Variants in NAALADL2 observed in about 807,000 individuals in gnomAD.
NAALADL2 encodes the protein inactive N-acetylated-alpha-linked acidic dipeptidase-like protein 2.
In NAALADL2, 76 loss-of-function variants were observed where a neutral mutation model predicts 87.2. The ratio of observed to expected loss-of-function variants is 0.87; its 90% CI spans 0.72 to 1.05. The LOEUF (loss-of-function observed/expected upper bound fraction) is 1.05, where lower values mean the gene tolerates loss of function less well. NAALADL2 is among the 50% of genes least tolerant of loss of function. The pLI, the probability that NAALADL2 is intolerant of heterozygous loss-of-function variation, is 0.00. For synonymous variants in NAALADL2, 354 were observed against 331.0 expected (o/e 1.07, Z -0.75); for missense variants, 1,089 against 945.8 (o/e 1.15, Z -1.99).
intron 1 of NAALADL2, among the ~76,000 whole-genome samples, chr3:174,934,183 C>G (rs1737323812): frequency 6.6e-6 from 1 of 152,208 alleles, no homozygotes; most frequent in East Asian, 1.9e-4. Flanking sequence ...ACAGTAACCT[C>G]TCTCCTATTT....
intron 1 of NAALADL2, among the ~76,000 whole-genome samples, chr3:175,077,222 C>T (rs547501408): frequency 9.2e-5 from 14 of 152,128 alleles, no homozygotes; most frequent in Non-Finnish European, 1.8e-4. Context: ...GCATTTATTT[C>T]AGCTTATTTA....
chr3:174,572,044 A>G (rs964870746), intron 2 of NAALADL2, among the ~76,000 whole-genome samples: 1 of 152,188 alleles, frequency 6.6e-6, no homozygotes, highest in Admixed American at 6.5e-5. Flanking sequence ...AAAACCGGAC[A>G]AGGAAAATAT....
chr3:175,145,645 G>T (rs1730641078), intron 2 of NAALADL2, among the ~76,000 whole-genome samples: 1 of 151,902 alleles, frequency 6.6e-6, no homozygotes, highest in African/African-American at 2.4e-5. Context: ...GATTGCCTAA[G>T]CATTCAATTT....
intron 1 of NAALADL2, among the ~76,000 whole-genome samples, chr3:174,903,989 A>ATATCTATATCTATTTCTC (rs1410578019): frequency 6.6e-6 from 1 of 151,158 alleles, no homozygotes; most frequent in Non-Finnish European, 1.5e-5. Context: ...ATCTATTTCT[A>ATATCTATATCTATTTCTC]TATCTATATC....
At chr3:174,591,505 G>A (rs537814294) in intron 2 of NAALADL2, among the ~76,000 whole-genome samples, 3 of 152,254 alleles carry the variant, frequency 2.0e-5, no homozygotes, top group African/African-American at 4.8e-5. Flanking sequence ...TTGGTAGCAC[G>A]CCTGATGGAT....
chr3:174,934,062 A>C (rs1043242269), intron 1 of NAALADL2, among the ~76,000 whole-genome samples: 1 of 152,158 alleles, frequency 6.6e-6, no homozygotes, highest in African/African-American at 2.4e-5. Flanking sequence ...TAATATCTGT[A>C]AATGACTTGC....
At chr3:175,427,752 A>T (rs895080795) in intron 5 of NAALADL2, among the ~76,000 whole-genome samples, 1 of 151,784 alleles carries the variant, frequency 6.6e-6, no homozygotes, top group Admixed American at 6.6e-5. Flanking sequence ...TATTTTTAAA[A>T]TTTGCATATT....
chr3:175,583,036 A>G (rs1251742862), intron 10 of NAALADL2, among the ~76,000 whole-genome samples: 2 of 152,130 alleles, frequency 1.3e-5, no homozygotes, highest in Non-Finnish European at 2.9e-5. Context: ...AACCCACCAT[A>G]TGCTGACAAT....
rs143330636 is a variant in NAALADL2 at position 174,808,638 on chromosome 3, C to A, written c.-9+70892C>A. The stretch of plus-strand genomic sequence containing the variant: ...GGAACCTGGCCACTAATTTTAATAC[C>A]TTTATCATTATACATTTTTACTTGG... On this transcript the variant is annotated intron_variant, in intron 3 of 3. Coordinates refer to the NAALADL2 transcript ENST00000434257. Among the ~76,000 whole-genome samples, 302 of 152,156 alleles carry A rather than the reference C, an allele frequency of 2.0e-3. 2 individuals are homozygous for A. The highest frequency in any genetic ancestry group is 7.1e-3 in the African/African-American group (294 of 41,502).
chr3:175,121,819 A>C (rs1351070016), intron 2 of NAALADL2, among the ~76,000 whole-genome samples: 1 of 151,772 alleles, frequency 6.6e-6, no homozygotes, highest in African/African-American at 2.4e-5. Context: ...TGATGTAACT[A>C]AAATGCATTT....
intron 1 of NAALADL2, among the ~76,000 whole-genome samples, chr3:175,089,187 C>T (rs1719617318): frequency 6.6e-6 from 1 of 152,148 alleles, no homozygotes; most frequent in African/African-American, 2.4e-5. Flanking sequence ...AAAGATCTGT[C>T]AGGTCCTGAA....
intron 2 of NAALADL2, among the ~76,000 whole-genome samples, chr3:175,163,075 G>A (rs9831282): frequency 0.037 from 5,602 of 152,044 alleles, 270 homozygotes; most frequent in African/African-American, 0.11. Flanking sequence ...TATTGTTTCC[G>A]AAAAGTGTCT....
intron 9 of NAALADL2, among the ~76,000 whole-genome samples, chr3:175,553,564 T>C (rs1714773764): frequency 6.6e-6 from 1 of 152,002 alleles, no homozygotes; most frequent in Non-Finnish European, 1.5e-5. Context: ...CATATTGCTT[T>C]GGACTTTTGT....
At chr3:174,766,849 A>G (rs2109092509) in intron 3 of NAALADL2, among the ~76,000 whole-genome samples, 1 of 152,342 alleles carries the variant, frequency 6.6e-6, no homozygotes, top group East Asian at 1.9e-4. Flanking sequence ...GGGGTTAGAT[A>G]TACAATAATA....
chr3:175,356,773 G>A (rs1764428152), intron 5 of NAALADL2, among the ~76,000 whole-genome samples: 1 of 151,980 alleles, frequency 6.6e-6, no homozygotes, highest in South Asian at 2.1e-4. Flanking sequence ...AGAATTTGAA[G>A]CCACAATGGA....
intron 11 of NAALADL2, among the ~76,000 whole-genome samples, chr3:175,716,766 A>G (rs1741359719): frequency 6.6e-6 from 1 of 152,172 alleles, no homozygotes; most frequent in Admixed American, 6.6e-5. Context: ...ATATGATCTA[A>G]TCTAAGTTTC....
At chr3:174,881,025 G>C (rs1042572996) in intron 1 of NAALADL2, among the ~76,000 whole-genome samples, 2 of 151,940 alleles carry the variant, frequency 1.3e-5, no homozygotes, top group Non-Finnish European at 2.9e-5. Flanking sequence ...CTCTCCTTCT[G>C]TTCTTCTCTT....
Position 175,713,498 on chromosome 3 carries a change from T to C in NAALADL2, c.1897-23808T>C, listed in dbSNP as rs138674429. The stretch of plus-strand genomic sequence containing the variant: ...ATAGTATGATAGTGTGTCTGGGGAA[T>C]TGGCTGCTGAAATGTATTTAAAAGA... On this transcript the variant is annotated intron_variant, in intron 11 of 13. Coordinates refer to ENST00000454872, the MANE Select transcript of NAALADL2 (RefSeq NM_207015.3). 5.6e-4 allele frequency among the ~76,000 whole-genome samples: 86 copies of C among 152,238 alleles called. No homozygotes were observed. In the East Asian group the frequency reaches 0.015, roughly 26 times the overall value.
At chr3:174,743,263 T>C (rs1176450489) in intron 3 of NAALADL2, among the ~76,000 whole-genome samples, 1 of 151,724 alleles carries the variant, frequency 6.6e-6, no homozygotes, top group Non-Finnish European at 1.5e-5. Context: ...GTCTTTTGTT[T>C]CTCTGAATTT....
Sources: gnomAD v4.1 joint callset for allele counts (sites outside exome capture counted in the v4.1 genomes callset) on GRCh38, gnomAD v4.1.1 for gene constraint, MANE v1.5 for transcripts, NCBI Gene and HGNC (gene_info 2026-07-23, HGNC 2026-07-21) for gene names.